DOK6: variants seen among roughly 807,000 people sequenced by gnomAD.
DOK6 encodes the protein docking protein 6.
Under a neutral mutation model 44.0 loss-of-function variants are expected in DOK6, and 22 were observed. That is an observed-to-expected ratio of 0.50 (90% confidence interval 0.36 to 0.71). DOK6 has a LOEUF of 0.71. Ranked by LOEUF, DOK6 falls within the 30% of genes least tolerant of loss-of-function variation. The probability of loss-of-function intolerance (pLI) is 0.00; values close to 1 mark genes in which losing one functional copy is unlikely to be tolerated. For synonymous variants in DOK6, 166 were observed against 145.5 expected (o/e 1.14, Z -1.01); for missense variants, 340 against 416.4 (o/e 0.82, Z 1.60).
intron 1 of DOK6, among the ~76,000 whole-genome samples, chr18:69,429,223 A>G (rs1978728278): frequency 6.6e-6 from 1 of 152,158 alleles, no homozygotes; most frequent in African/African-American, 2.4e-5. Flanking sequence ...TTCCTTATGC[A>G]TATAAGGAAA....
At chr18:69,492,381 T>A (rs1980758750) in intron 1 of DOK6, among the ~76,000 whole-genome samples, 1 of 152,092 alleles carries the variant, frequency 6.6e-6, no homozygotes, top group Admixed American at 6.5e-5. Flanking sequence ...CCCTTATTTC[T>A]TTTAAAAATT....
chr18:69,645,878 T>G (rs1985059375), intron 3 of DOK6, among the ~76,000 whole-genome samples: 1 of 152,206 alleles, frequency 6.6e-6, no homozygotes, highest in Non-Finnish European at 1.5e-5. Context: ...TGTTTAGAGT[T>G]TAAAGACCCT....
chr18:69,772,964 A>T (rs1979932511), intron 7 of DOK6, among the ~76,000 whole-genome samples: 1 of 152,070 alleles, frequency 6.6e-6, no homozygotes, highest in South Asian at 2.1e-4. Context: ...TAATTTCTAA[A>T]ATACATAAGG....
chr18:69,801,665 C>G (rs1378564091), intron 7 of DOK6, among the ~76,000 whole-genome samples: 3 of 152,170 alleles, frequency 2.0e-5, no homozygotes, highest in African/African-American at 7.2e-5. Flanking sequence ...TATTTTCTCT[C>G]CAACCCCTTT....
intron 4 of DOK6, 55 bp from the exon 5 acceptor site, chr18:69,698,349 A>G (rs4581806): frequency 0.73 from 1,098,171 of 1,497,770 alleles, 407,136 homozygotes; most frequent in East Asian, 0.93. Context: ...TCGTATGGCC[A>G]TAGACACTCA....
At chr18:69,401,549 T>C (rs1298066635) in intron 1 of DOK6, among the ~76,000 whole-genome samples, 1 of 152,066 alleles carries the variant, frequency 6.6e-6, no homozygotes, top group East Asian at 2.0e-4. Flanking sequence ...CACCGGGCTG[T>C]CTTCGACCGT....
At chr18:69,749,706 C>T (rs547380663) in intron 6 of DOK6, among the ~76,000 whole-genome samples, 5 of 151,906 alleles carry the variant, frequency 3.3e-5, no homozygotes, top group East Asian at 1.9e-4. Flanking sequence ...TCTAGGAGGC[C>T]GAGGCAGGTA....
intron 1 of DOK6, among the ~76,000 whole-genome samples, chr18:69,521,460 AT>A (rs1981686445): frequency 1.4e-5 from 2 of 138,968 alleles, no homozygotes; most frequent in Non-Finnish European, 3.3e-5. Flanking sequence ...AAAAAAAAAC[AT>A]GTGAATCAAA....
rs1339885675 is a variant in DOK6 at position 69,847,457 on chromosome 18, T to C, written c.*6074T>C. On this transcript the variant is annotated 3_prime_UTR_variant, in exon 8 of 8. Coordinates refer to ENST00000382713, the MANE Select transcript of DOK6 (RefSeq NM_152721.6). ...CTCAAAAGAGTTGCTTATTATCAGA[T>C]GTCCGAAATTCAGAAACCCAAAGTC... The C allele has an allele frequency of 2.0e-5, 3 of 152,176 alleles. No individual in the cohort carries two copies. Among genetic ancestry groups the C allele is most frequent in the African/African-American group, 7.2e-5 (3 of 41,436 alleles). The allele number at this position is 152,176 out of a possible 1,614,324, so 9.4% of individuals were successfully genotyped here.
chr18:69,619,694 G>C (rs1599225643), intron 3 of DOK6, among the ~76,000 whole-genome samples: 1 of 152,160 alleles, frequency 6.6e-6, no homozygotes, highest in Admixed American at 6.5e-5. Flanking sequence ...AAAATAATTT[G>C]CATCAATTAA....
chr18:69,839,146 T>C (rs1358875333), intron 7 of DOK6, among the ~76,000 whole-genome samples: 2 of 125,326 alleles, frequency 1.6e-5, no homozygotes, highest in Admixed American at 8.3e-5. Context: ...AGACTCCCCC[T>C]AGCTCTTCCC....
chr18:69,678,292 G>A (rs1985969974), intron 4 of DOK6, among the ~76,000 whole-genome samples: 1 of 152,162 alleles, frequency 6.6e-6, no homozygotes, highest in Admixed American at 6.5e-5. Context: ...AAGTTATTAA[G>A]GGACTTTCCC....
chr18:69,507,380 T>A (rs780538938), intron 1 of DOK6, among the ~76,000 whole-genome samples: 1 of 152,124 alleles, frequency 6.6e-6, no homozygotes, highest in African/African-American at 2.4e-5. Context: ...AGTTTCTCAA[T>A]ATTGTTCTTT....
At chr18:69,823,663 T>A (rs1981644451) in intron 7 of DOK6, among the ~76,000 whole-genome samples, 1 of 133,052 alleles carries the variant, frequency 7.5e-6, no homozygotes, top group Admixed American at 7.4e-5. Context: ...GTGTGTATTT[T>A]AAAGACAAAG....
At chr18:69,794,987 G>T (rs1414939472) in intron 7 of DOK6, among the ~76,000 whole-genome samples, 2 of 152,064 alleles carry the variant, frequency 1.3e-5, no homozygotes, top group Middle Eastern at 3.2e-3. Context: ...ATGGTGGGTT[G>T]TATAATAATT....
At chr18:69,802,979 C>T (rs932150527) in intron 7 of DOK6, among the ~76,000 whole-genome samples, 3 of 151,994 alleles carry the variant, frequency 2.0e-5, no homozygotes, top group Non-Finnish European at 4.4e-5. Flanking sequence ...TCTCCTTTAG[C>T]TCTTATTTTT....
At chr18:69,625,927 G>C (rs1304643292) in intron 3 of DOK6, among the ~76,000 whole-genome samples, 1 of 152,160 alleles carries the variant, frequency 6.6e-6, no homozygotes, top group African/African-American at 2.4e-5. Context: ...AGTAGAACCA[G>C]GGGAATTCTG....
At chr18:69,784,166 C>T (rs1213353996) in intron 7 of DOK6, among the ~76,000 whole-genome samples, 1 of 152,116 alleles carries the variant, frequency 6.6e-6, no homozygotes, top group Non-Finnish European at 1.5e-5. Flanking sequence ...GCCTGGGTGA[C>T]AGAGCAAGAT....
At chr18:69,574,999 A>G (rs111867819) in intron 2 of DOK6, among the ~76,000 whole-genome samples, 1,544 of 152,224 alleles carry the variant, frequency 0.01, 18 homozygotes, top group African/African-American at 0.035. Flanking sequence ...AGAATTAATT[A>G]CTTAATGGAT....
Sources: gnomAD v4.1 joint callset for allele counts (sites outside exome capture counted in the v4.1 genomes callset) on GRCh38, gnomAD v4.1.1 for gene constraint, MANE v1.5 for transcripts, NCBI Gene and HGNC (gene_info 2026-07-23, HGNC 2026-07-21) for gene names.